ARPP19: variants seen among roughly 807,000 people sequenced by gnomAD.
The protein encoded by ARPP19 is cAMP regulated phosphoprotein 19.
A neutral mutation model predicts 12.0 loss-of-function variants in ARPP19; 8 were observed. That is an observed-to-expected ratio of 0.67 (90% CI 0.39 to 1.21). ARPP19 has a LOEUF of 1.21. ARPP19 is among the 50% of genes most tolerant of loss of function. ARPP19 has a pLI of 0.01. For synonymous variants in ARPP19, 47 were observed against 50.4 expected (o/e 0.93, Z 0.29); for missense variants, 102 against 136.3 (o/e 0.75, Z 1.25).
chr15:52,553,093 A>AC (rs1416012487), intron 2 of ARPP19, among the ~76,000 whole-genome samples: 3 of 151,332 alleles, frequency 2.0e-5, no homozygotes, highest in South Asian at 4.2e-4. Flanking sequence ...AAAAAAACCA[A>AC]CCCCCCCATA....
At position 52,550,992 on chromosome 15, in the gene ARPP19, G is replaced by C. The variant is rs372841793; in HGVS notation, c.*942C>G. The C allele has an allele frequency of 6.6e-6, 1 of 152,664 alleles. No homozygotes were observed. Among genetic ancestry groups the C allele is most frequent in the Non-Finnish European group, 1.5e-5 (1 of 68,042 alleles). The allele number at this position is 152,664 out of a possible 1,614,324, so 9.5% of individuals were successfully genotyped here. On this transcript the variant is annotated 3_prime_UTR_variant, in exon 3 of 3. Coordinates refer to ENST00000249822, the MANE Select transcript of ARPP19 (RefSeq NM_006628.6). ...AGGCCACTGAATGTCATGGATATTA[G>C]TAACAAATGAAAAGCTTAAGTCTAT...
At chr15:52,554,969 A>G (rs1012996528) in intron 2 of ARPP19, among the ~76,000 whole-genome samples, 1 of 152,104 alleles carries the variant, frequency 6.6e-6, no homozygotes, top group African/African-American at 2.4e-5. Context: ...TTAAGAAGCT[A>G]CTTAAAGATG....
At chr15:52,558,222 C>T (rs545521165) in intron 1 of ARPP19, among the ~76,000 whole-genome samples, 28 of 152,090 alleles carry the variant, frequency 1.8e-4, no homozygotes, top group African/African-American at 6.3e-4. Context: ...GAGCTGTGGG[C>T]GGATTGCTTG....
chr15:52,567,656 G>A (rs891490948), intron 1 of ARPP19, among the ~76,000 whole-genome samples: 3 of 152,060 alleles, frequency 2.0e-5, no homozygotes, highest in South Asian at 4.2e-4. Context: ...CTATTTTCAC[G>A]GGATATTCTC....
chr15:52,555,789 A>C (rs60426742), intron 2 of ARPP19, among the ~76,000 whole-genome samples: 15,557 of 152,026 alleles, frequency 0.1, 882 homozygotes, highest in Middle Eastern at 0.17. Flanking sequence ...TATTATTTTA[A>C]ACATTTTTGC....
intron 2 of ARPP19, among the ~76,000 whole-genome samples, chr15:52,553,343 CT>C (rs577654887): frequency 5.3e-5 from 8 of 151,052 alleles, no homozygotes; most frequent in South Asian, 2.1e-4. Context: ...ATGACTACTG[CT>C]TTTTTTTTAG....
At chr15:52,564,130 TTGTATCGCAAACTGCTAA>T in intron 1 of ARPP19, 1 of 1,222,214 alleles carries the variant, frequency 8.2e-7, no homozygotes, top group East Asian at 2.5e-5. Context: ...TAACAAACTG[TTGTATCGCAAACTGCTAA>T]GACGGCTAAG....
chr15:52,556,129 T>C (rs2077979159), intron 2 of ARPP19, among the ~76,000 whole-genome samples: 1 of 152,088 alleles, frequency 6.6e-6, no homozygotes, highest in South Asian at 2.1e-4. Context: ...AGATTAAAAA[T>C]ACCATTCTAT....
chr15:52,569,148 A>G (rs1163030490), upstream of ARPP19: 2 of 509,790 alleles, frequency 3.9e-6, no homozygotes, highest in Non-Finnish European at 6.9e-6. Context: ...CTGTCGTCCA[A>G]ACACTTCCTT....
intron 1 of ARPP19, among the ~76,000 whole-genome samples, chr15:52,558,470 G>GAAAAAAAAA (rs143549178): frequency 1.6e-5 from 1 of 63,908 alleles, no homozygotes; most frequent in Non-Finnish European, 3.4e-5. Context: ...AAACAAAACA[G>GAAAAAAAAA]AAAAAAAAAA....
chr15:52,568,937 C>A lies in ARPP19; in HGVS notation c.-45G>T, dbSNP rs777548858. On this transcript the variant is annotated 5_prime_UTR_variant, in exon 1 of 3. Coordinates refer to ENST00000249822, the MANE Select transcript of ARPP19 (RefSeq NM_006628.6). Reference sequence around the variant, plus strand: ...AGACGCCGGGAAAAGATGCAATTAGCGGGTGGCCGAGGCCACCCGGCCGCC... The same window carrying A: ...AGACGCCGGGAAAAGATGCAATTAGAGGGTGGCCGAGGCCACCCGGCCGCC... 8.8e-6 allele frequency: 6 copies of A among 678,058 alleles called. No individual in the cohort carries two copies. In the Admixed American group the frequency reaches 1.2e-4, roughly 13 times the overall value. 42.0% of individuals were successfully genotyped at this position (678,058 alleles called of 1,614,324 possible).
intron 1 of ARPP19, chr15:52,564,305 T>C (rs2078061840): frequency 7.7e-7 from 1 of 1,290,792 alleles, no homozygotes; most frequent in Non-Finnish European, 1.1e-6. Flanking sequence ...TCCCAGCTAC[T>C]TGGAGGCTGA....
chr15:52,552,144 C>T lies in ARPP19; in HGVS notation c.169-40G>A, dbSNP rs753781758. ...AAAAAAAATTCAGATTAGAGCTTAG[C>T]AATTACTGATTTAAGATGTCGATGC... On this transcript the variant is annotated intron_variant, in intron 2 of 2. Transcript: ENST00000249822. 1.8e-5 allele frequency: 23 copies of T among 1,276,730 alleles called. No individual in the cohort carries two copies. In the East Asian group the frequency reaches 4.4e-4, roughly 24 times the overall value. The allele number at this position is 1,276,730 out of a possible 1,614,324, so 79.1% of individuals were successfully genotyped here. A position where few individuals can be genotyped will look rare whatever the true frequency, so the allele number is the denominator to read the frequency against.
rs1303092078 is a variant in ARPP19, at chr15:52,550,038, C to T, written c.*1896G>A. On this transcript the variant is annotated 3_prime_UTR_variant, in exon 3 of 3. Transcript: ENST00000249822. Reference sequence around the variant, plus strand: ...GGCACCATTGACTATGATTTGGGGTCATAGGAGAGCAGGTATACTGATGGA... The same window carrying T: ...GGCACCATTGACTATGATTTGGGGTTATAGGAGAGCAGGTATACTGATGGA... The T allele has an allele frequency of 6.6e-6, 1 of 152,550 alleles. No individual in the cohort carries two copies. Among genetic ancestry groups the T allele is most frequent in the African/African-American group, 2.4e-5 (1 of 41,416 alleles). The allele number at this position is 152,550 out of a possible 1,614,324, so 9.4% of individuals were successfully genotyped here. A position where few individuals can be genotyped will look rare whatever the true frequency, so the allele number is the denominator to read the frequency against.
Position 52,564,304 on chromosome 15 carries a change from C to T in ARPP19, c.45+4544G>A, listed in dbSNP as rs1595867701. ...TTGCTCACACCTGCAGTCCCAGCTACTTGGAGGCTGAGGTGGGAGGCTAGG... is the reference window on the plus strand; with the variant it reads ...TTGCTCACACCTGCAGTCCCAGCTATTTGGAGGCTGAGGTGGGAGGCTAGG... On this transcript the variant is annotated intron_variant, in intron 1 of 2. Coordinates refer to ENST00000249822, the MANE Select transcript of ARPP19 (RefSeq NM_006628.6). 4 of 1,293,030 alleles carry T rather than the reference C, an allele frequency of 3.1e-6. No homozygotes were observed. In the East Asian group the frequency reaches 7.5e-5, roughly 24 times the overall value. 80.1% of individuals were successfully genotyped at this position (1,293,030 alleles called of 1,614,324 possible).
At chr15:52,555,609 T>C (rs545160879) in intron 2 of ARPP19, among the ~76,000 whole-genome samples, 127 of 152,144 alleles carry the variant, frequency 8.3e-4, no homozygotes, top group African/African-American at 2.9e-3. Context: ...CTTGGAAGAC[T>C]TTCCTTGTAC....
intron 1 of ARPP19, among the ~76,000 whole-genome samples, chr15:52,566,342 A>G (rs1455620326): frequency 6.6e-6 from 1 of 151,502 alleles, no homozygotes; most frequent in Non-Finnish European, 1.5e-5. Context: ...TACTTTTAGT[A>G]AAGACAGGGT....
intron 1 of ARPP19, among the ~76,000 whole-genome samples, chr15:52,567,947 A>G (rs1182514043): frequency 6.6e-6 from 1 of 152,228 alleles, no homozygotes; most frequent in Non-Finnish European, 1.5e-5. Flanking sequence ...TTTAGGAGAC[A>G]AGATACCTCG....
At chr15:52,565,350 T>C (rs1244520494) in intron 1 of ARPP19, among the ~76,000 whole-genome samples, 3 of 152,176 alleles carry the variant, frequency 2.0e-5, no homozygotes, top group Non-Finnish European at 2.9e-5. Flanking sequence ...AAGTTTCCAC[T>C]TGCCTCTTCT....
Sources: allele counts gnomAD v4.1 joint callset (sites outside exome capture counted in the v4.1 genomes callset), GRCh38; gene constraint gnomAD v4.1.1; transcripts MANE v1.5; gene names NCBI Gene and HGNC (gene_info 2026-07-23, HGNC 2026-07-21).